The following STT3A variants were observed in gnomAD, a reference collection of about 807,000 sequenced individuals.
STT3A encodes dolichyl-diphosphooligosaccharide--protein glycosyltransferase subunit STT3A.
In STT3A, 34 loss-of-function variants were observed where a neutral mutation model predicts 89.2. The observed-to-expected ratio is 0.38, with a 90% confidence interval of 0.29 to 0.51. The LOEUF is 0.51. STT3A is among the 20% of genes least tolerant of loss of function. STT3A has a pLI of 0.89. For synonymous variants in STT3A, 282 were observed against 310.3 expected, an observed-to-expected ratio of 0.91 and a Z score of 0.96; for missense variants, 555 against 889.5, an observed-to-expected ratio of 0.62 and a Z score of 4.78.
intron 2 of STT3A, 71 bp downstream of exon 2, chr11:125,596,074 G>T: frequency 8.4e-7 from 1 of 1,197,188 alleles, no homozygotes. Context: ...ATTGAAAATC[G>T]CTATCTTAAA....
intron 5 of STT3A, 85 bp from the exon 6 acceptor site, chr11:125,604,069 CATT>C (rs1470742644): frequency 3.7e-6 from 5 of 1,358,426 alleles, no homozygotes; most frequent in African/African-American, 1.4e-5. Context: ...TTTCTGGGCT[CATT>C]ATAAACAGAA....
rs777703273 is a variant in STT3A at position 125,618,554 on chromosome 11, A to G, written c.1956A>G (p.Thr652=). Residue 652 remains threonine, a synonymous_variant, in exon 16 of 18, where the codon ACA becomes ACG. Coordinates refer to ENST00000392708, the MANE Select transcript of STT3A (RefSeq NM_152713.5). ...ACTATCGCTTTGGACAGGTTTACAC[A>G]GAAGCCAGTGAGTGACTCATAATAA... is the stretch of plus-strand genomic sequence containing the variant. ...MCYYRFGQVY[T]EAKRPPGFDR... 2 of 1,610,400 alleles carry G rather than the reference A, an allele frequency of 1.2e-6. No homozygotes were observed. Among genetic ancestry groups the G allele is most frequent in the South Asian group, 1.1e-5 (1 of 90,342 alleles).
chr11:125,620,661 G>A, intron 17 of STT3A, 111 bp from the exon 18 acceptor site: 1 of 966,466 alleles, frequency 1.0e-6, no homozygotes, highest in Non-Finnish European at 1.6e-6. Context: ...CCCTAAACCA[G>A]GCTGCAGAAC....
intron 11 of STT3A, 36 bp downstream of exon 11, chr11:125,611,555 C>CT (rs753796770): frequency 2.5e-6 from 4 of 1,585,754 alleles, no homozygotes; most frequent in Non-Finnish European, 3.5e-6. Context: ...CTTTTTCACT[C>CT]TAACTCTGAG....
intron 3 of STT3A, among the ~76,000 whole-genome samples, chr11:125,597,611 C>T (rs1221774274): frequency 1.3e-5 from 2 of 152,062 alleles, no homozygotes; most frequent in Non-Finnish European, 2.9e-5. Context: ...GTATTCCAGG[C>T]TCAGAAGAGA....
intron 3 of STT3A, among the ~76,000 whole-genome samples, chr11:125,601,577 C>G (rs546499033): frequency 1.3e-5 from 2 of 151,758 alleles, no homozygotes; most frequent in Non-Finnish European, 2.9e-5. Flanking sequence ...GAGCCGAGAT[C>G]GTGCCATTGT....
chr11:125,611,544 A>C (rs1940014976), intron 11 of STT3A, 25 bp downstream of exon 11: 1 of 1,601,638 alleles, frequency 6.2e-7, no homozygotes, highest in African/African-American at 1.3e-5. Context: ...AGTCTGGTAG[A>C]CTTTTTCACT....
chr11:125,602,181 T>A, intron 3 of STT3A, 122 bp from the exon 4 acceptor site: 2 of 1,180,054 alleles, frequency 1.7e-6, no homozygotes, highest in East Asian at 5.0e-5. Flanking sequence ...TAAAATGATT[T>A]TCATGGCATA....
intron 11 of STT3A, among the ~76,000 whole-genome samples, chr11:125,612,022 C>A (rs1038549248): frequency 2.0e-5 from 3 of 151,748 alleles, no homozygotes; most frequent in African/African-American, 7.3e-5. Flanking sequence ...GGATTACTGG[C>A]ATGCACCACC....
upstream of STT3A, among the ~76,000 whole-genome samples, chr11:125,592,044 C>T (rs1485818893): frequency 6.6e-6 from 1 of 152,178 alleles, no homozygotes; most frequent in East Asian, 1.9e-4. Context: ...GGTATTTTAA[C>T]AAAGGGCTGA....
rs1417988264 is a variant in STT3A at position 125,612,575 on chromosome 11, C to T, written c.1210-17C>T. On this transcript the variant is annotated splice_polypyrimidine_tract_variant and intron_variant, in intron 11 of 17. Transcript: ENST00000392708. ...TGGAACACTGATTAGACTGATCATG[C>T]TTCCTGTCTCTGTTAGGTGCGTCTA... is the stretch of plus-strand genomic sequence containing the variant. 4.3e-6 allele frequency: 7 copies of T among 1,610,792 alleles called. No homozygotes were observed. The highest frequency in any genetic ancestry group is 4.0e-5 in the African/African-American group (3 of 74,820).
In STT3A at chr11:125,602,862, G is replaced by T; in HGVS notation, c.331G>T (p.Asp111Tyr). ...ACTCCATTTTTTCCACATCACCATC[G>T]ACATTCGGAATGTCTGTGTGTTCCT... ...HVLHFFHITI[D>Y]IRNVCVFLAP... The change falls in exon 5 of 18, where the codon GAC becomes TAC. Residue 111 changes from aspartate (D) to tyrosine (Y), a missense_variant. By Grantham distance (160) the Asp-to-Tyr change is radical. Coordinates refer to ENST00000392708, the MANE Select transcript of STT3A (RefSeq NM_152713.5). 6.2e-7 allele frequency: 1 copy of T among 1,613,928 alleles called. No individual in the cohort carries two copies. Among genetic ancestry groups the T allele is most frequent in the South Asian group, 1.1e-5 (1 of 91,064 alleles).
chr11:125,609,667 T>C (rs1470745444), intron 10 of STT3A, 78 bp downstream of exon 10: 1 of 1,535,544 alleles, frequency 6.5e-7, no homozygotes, highest in Admixed American at 2.1e-5. Flanking sequence ...CTACCCTCAT[T>C]CGTGTTTTGT....
chr11:125,596,724 A>C (rs1939510452), intron 2 of STT3A, among the ~76,000 whole-genome samples: 1 of 148,910 alleles, frequency 6.7e-6, no homozygotes, highest in South Asian at 2.1e-4. Flanking sequence ...TCCAAGGTTA[A>C]GGTTAGTTAT....
upstream of STT3A, chr11:125,592,680 CTA>C (rs1382291560): frequency 2.8e-6 from 1 of 355,700 alleles, no homozygotes; most frequent in Non-Finnish European, 5.6e-6. Flanking sequence ...AGACCTGCCT[CTA>C]GACTGCTAAG....
At chr11:125,616,875 G>A (rs955794839) in intron 15 of STT3A, among the ~76,000 whole-genome samples, 1 of 151,996 alleles carries the variant, frequency 6.6e-6, no homozygotes, top group Non-Finnish European at 1.5e-5. Flanking sequence ...ATTGGGTTTC[G>A]CCACATTGCC....
chr11:125,592,306 T>A (rs1939321373), upstream of STT3A: 20 of 425,512 alleles, frequency 4.7e-5, no homozygotes, highest in South Asian at 3.3e-4. Context: ...AGGCACATCC[T>A]GCAAAAGACG....
At chr11:125,611,964 G>C (rs1940037721) in intron 11 of STT3A, among the ~76,000 whole-genome samples, 1 of 130,684 alleles carries the variant, frequency 7.7e-6, no homozygotes, top group South Asian at 2.6e-4. Context: ...CACAACTGCC[G>C]CCTGCTGGGT....
chr11:125,598,909 A>T (rs1279408916), intron 3 of STT3A, among the ~76,000 whole-genome samples: 2 of 152,124 alleles, frequency 1.3e-5, no homozygotes, highest in African/African-American at 2.4e-5. Context: ...TGCCCAGCCT[A>T]CTTTTGTTTC....
Sources: allele counts gnomAD v4.1 joint callset (sites outside exome capture counted in the v4.1 genomes callset), GRCh38; gene constraint gnomAD v4.1.1; transcripts MANE v1.5; gene names NCBI Gene and HGNC (gene_info 2026-07-23, HGNC 2026-07-21).